The following ATL2 variants were observed in gnomAD, a reference collection of about 807,000 sequenced individuals.
ATL2 encodes atlastin-2.
A neutral mutation model predicts 73.9 loss-of-function variants in ATL2; 31 were observed. The ratio of observed to expected loss-of-function variants is 0.42; its 90% CI spans 0.32 to 0.57. The LOEUF (loss-of-function observed/expected upper bound fraction) is 0.57. ATL2 is among the 20% of genes least tolerant of loss of function. The pLI is 0.14. For missense variants in ATL2, 738 were observed against 702.6 expected (o/e 1.05, Z -0.57); for synonymous variants, 291 against 237.5 (o/e 1.23, Z -2.07).
intron 2 of ATL2, among the ~76,000 whole-genome samples, chr2:38,335,021 TA>T (rs1669273049): frequency 9.8e-6 from 1 of 102,118 alleles, no homozygotes; most frequent in African/African-American, 3.0e-5. Flanking sequence ...AATGAACTTG[TA>T]TACAGACGTA....
intron 2 of ATL2, among the ~76,000 whole-genome samples, chr2:38,325,696 CAGTACA>C (rs1362317507): frequency 5.0e-4 from 2 of 4,038 alleles, no homozygotes; most frequent in Admixed American, 2.9e-3. Flanking sequence ...ACACACACAC[CAGTACA>C]CACACACACA....
intron 2 of ATL2, among the ~76,000 whole-genome samples, chr2:38,331,537 G>A (rs1668993105): frequency 6.7e-6 from 1 of 149,434 alleles, no homozygotes; most frequent in African/African-American, 2.5e-5. Flanking sequence ...TTCAACCCAG[G>A]AGGCAGAGGT....
chr2:38,325,488 T>C (rs1188671333), intron 2 of ATL2, among the ~76,000 whole-genome samples: 1 of 152,064 alleles, frequency 6.6e-6, no homozygotes, highest in Non-Finnish European at 1.5e-5. Flanking sequence ...CTTTCCTGAA[T>C]ATTATCTCAA....
intron 2 of ATL2, among the ~76,000 whole-genome samples, chr2:38,334,211 G>A (rs923489171): frequency 1.3e-5 from 2 of 151,400 alleles, no homozygotes. Flanking sequence ...TCTGTTTTTG[G>A]TAGAGACGGT....
intron 2 of ATL2, among the ~76,000 whole-genome samples, chr2:38,321,350 T>C (rs1056719065): frequency 2.6e-5 from 4 of 152,150 alleles, no homozygotes; most frequent in Admixed American, 1.3e-4. Context: ...CAGTTTTCAA[T>C]ACCTACAACT....
rs1231054941 is a variant in ATL2, at chr2:38,367,607, A to C, written c.118+9536T>G. On this transcript the variant is annotated intron_variant, in intron 1 of 12. Transcript: ENST00000378954. ...AAGAATCCATCTCAAAAAAAAAAAA[A>C]AAAAAAAAACCGCCCATTTAAAACA... 1.1e-4 allele frequency among the ~76,000 whole-genome samples: 16 copies of C among 147,806 alleles called. 1 individual carries two copies. The highest frequency in any genetic ancestry group is 4.0e-4 in the African/African-American group (16 of 39,526).
intron 2 of ATL2, among the ~76,000 whole-genome samples, chr2:38,326,386 T>C (rs766245989): frequency 6.6e-6 from 1 of 152,184 alleles, no homozygotes; most frequent in African/African-American, 2.4e-5. Flanking sequence ...TACCTGATAC[T>C]TCATGTCTGG....
chr2:38,300,585 T>C (rs1444258908), intron 9 of ATL2, among the ~76,000 whole-genome samples: 1 of 152,212 alleles, frequency 6.6e-6, no homozygotes, highest in African/African-American at 2.4e-5. Context: ...TAAAATGCCA[T>C]CTTCTTTATG....
At chr2:38,368,081 C>T (rs934694008) in intron 1 of ATL2, among the ~76,000 whole-genome samples, 1 of 149,714 alleles carries the variant, frequency 6.7e-6, no homozygotes, top group African/African-American at 2.5e-5. Flanking sequence ...ACTACAGGCG[C>T]CTGCCACCAC....
At chr2:38,313,599 T>C (rs998474150) in intron 6 of ATL2, among the ~76,000 whole-genome samples, 1 of 152,210 alleles carries the variant, frequency 6.6e-6, no homozygotes, top group East Asian at 1.9e-4. Flanking sequence ...TAGATGGCTA[T>C]CTAGACTGAT....
intron 2 of ATL2, among the ~76,000 whole-genome samples, chr2:38,319,790 T>C (rs1668221256): frequency 6.6e-6 from 1 of 152,184 alleles, no homozygotes; most frequent in South Asian, 2.1e-4. Context: ...GTTTTCATAC[T>C]GCCTTCATTT....
chr2:38,377,590 C>T (rs1421688639), upstream of ATL2, among the ~76,000 whole-genome samples: 1 of 152,168 alleles, frequency 6.6e-6, no homozygotes, highest in African/African-American at 2.4e-5. Context: ...ACCACACCCC[C>T]TTAGCGCTGG....
chr2:38,371,456 A>G (rs994754059), intron 1 of ATL2, among the ~76,000 whole-genome samples: 1 of 151,644 alleles, frequency 6.6e-6, no homozygotes, highest in Non-Finnish European at 1.5e-5. Context: ...CGCGGTGATC[A>G]CGCCACTGCA....
chr2:38,323,188 A>G (rs1278810222), intron 2 of ATL2, among the ~76,000 whole-genome samples: 1 of 152,182 alleles, frequency 6.6e-6, no homozygotes, highest in Non-Finnish European at 1.5e-5. Context: ...AAAAACTCAA[A>G]AACACTAATC....
intron 12 of ATL2, among the ~76,000 whole-genome samples, chr2:38,296,896 T>C (rs1666925076): frequency 2.0e-5 from 3 of 152,214 alleles, no homozygotes; most frequent in Admixed American, 1.3e-4. Flanking sequence ...GAGATGAATA[T>C]TTCTCAAAAG....
In ATL2 at chr2:38,302,493, A is replaced by G. The variant is rs117653568; in HGVS notation, c.1072-2165T>C. On this transcript the variant is annotated intron_variant, in intron 9 of 12. Coordinates refer to ENST00000378954, the MANE Select transcript of ATL2 (RefSeq NM_001135673.4). ...AGGCAATAACCACACAATAGTCACAATGGGCCTTGGGCAAGACCCATTGCT... is the reference window on the plus strand; with the variant it reads ...AGGCAATAACCACACAATAGTCACAGTGGGCCTTGGGCAAGACCCATTGCT... Among the ~76,000 whole-genome samples, 1,068 of 152,236 alleles carry G rather than the reference A, an allele frequency of 7.0e-3. 11 individuals carry two copies. The highest frequency in any genetic ancestry group is 0.057 in the East Asian group (292 of 5,160).
intron 2 of ATL2, among the ~76,000 whole-genome samples, chr2:38,324,605 C>T (rs1668496717): frequency 6.6e-6 from 1 of 152,208 alleles, no homozygotes; most frequent in Non-Finnish European, 1.5e-5. Context: ...CCCAACTCTT[C>T]CCATCTGGGG....
At chr2:38,311,604 T>C (rs1667757822) in intron 7 of ATL2, among the ~76,000 whole-genome samples, 1 of 152,148 alleles carries the variant, frequency 6.6e-6, no homozygotes, top group Admixed American at 6.5e-5. Context: ...TAGACTCAAA[T>C]ACATTCTGTA....
chr2:38,310,523 G>A (rs1032036200), intron 7 of ATL2, 76 bp from the exon 8 acceptor site: 41 of 1,298,448 alleles, frequency 3.2e-5, no homozygotes, highest in East Asian at 4.8e-5. Context: ...ACACAGACTC[G>A]CATGCACACT....
Sources: allele counts gnomAD v4.1 joint callset (sites outside exome capture counted in the v4.1 genomes callset), GRCh38; gene constraint gnomAD v4.1.1; transcripts MANE v1.5; gene names NCBI Gene and HGNC (gene_info 2026-07-23, HGNC 2026-07-21).